PAX5: variants seen among roughly 807,000 people sequenced by gnomAD.
The protein encoded by PAX5 is paired box 5.
In PAX5, 9 loss-of-function variants were observed where a neutral mutation model predicts 43.7. That is an observed-to-expected ratio of 0.21 (90% CI 0.12 to 0.36). The LOEUF is 0.36. Among genes scored for constraint, PAX5 ranks in the 10% least tolerant of loss-of-function variants. The probability of loss-of-function intolerance (pLI) is 1.00; values close to 1 mark genes in which losing one functional copy is unlikely to be tolerated. For synonymous variants in PAX5, 228 were observed against 214.3 expected (o/e 1.06, Z -0.56); for missense variants, 383 against 532.7 (o/e 0.72, Z 2.77).
At chr9:36,923,108 A>C in intron 7 of PAX5, 2 of 430,026 alleles carry the variant, frequency 4.7e-6, no homozygotes, top group Non-Finnish European at 4.1e-6. Flanking sequence ...CCCCTACCCC[A>C]AGTCCCCTCC....
chr9:36,963,509 C>T (rs1474198732), intron 6 of PAX5, among the ~76,000 whole-genome samples: 3 of 152,232 alleles, frequency 2.0e-5, no homozygotes, highest in Admixed American at 1.3e-4. Context: ...TCTGAGTCCA[C>T]AGCACGCTGC....
intron 5 of PAX5, among the ~76,000 whole-genome samples, chr9:36,995,379 C>T (rs905029858): frequency 6.6e-6 from 1 of 152,170 alleles, no homozygotes; most frequent in Non-Finnish European, 1.5e-5. Flanking sequence ...AGCCAACACA[C>T]AGGGACTGGA....
chr9:36,880,388 G>A (rs207470220), intron 8 of PAX5, among the ~76,000 whole-genome samples: 1 of 152,226 alleles, frequency 6.6e-6, no homozygotes, highest in Non-Finnish European at 1.5e-5. Context: ...CGGGGGAAGA[G>A]ACTTGGGCCT....
At chr9:36,915,927 A>C (rs901595994) in intron 7 of PAX5, among the ~76,000 whole-genome samples, 1 of 151,952 alleles carries the variant, frequency 6.6e-6, no homozygotes, top group African/African-American at 2.4e-5. Flanking sequence ...AAAAATTACC[A>C]GGATGTAGTG....
At chr9:36,973,680 A>C (rs934074500) in intron 5 of PAX5, among the ~76,000 whole-genome samples, 1 of 152,032 alleles carries the variant, frequency 6.6e-6, no homozygotes, top group Non-Finnish European at 1.5e-5. Flanking sequence ...CAGCCTTGGC[A>C]ACATGGCGAG....
At chr9:36,850,492 C>A (rs1212624794) in intron 8 of PAX5, among the ~76,000 whole-genome samples, 1 of 152,208 alleles carries the variant, frequency 6.6e-6, no homozygotes, top group Non-Finnish European at 1.5e-5. Flanking sequence ...GGAGGTGCAG[C>A]CAACAGGCCC....
At chr9:36,913,586 C>G (rs978574565) in intron 7 of PAX5, among the ~76,000 whole-genome samples, 6 of 152,236 alleles carry the variant, frequency 3.9e-5, no homozygotes, top group Admixed American at 3.3e-4. Context: ...AAACTGCTGA[C>G]AGTGCAGTAA....
intron 7 of PAX5, among the ~76,000 whole-genome samples, chr9:36,904,685 G>T (rs1053639967): frequency 3.9e-5 from 6 of 152,068 alleles, no homozygotes; most frequent in African/African-American, 7.2e-5. Flanking sequence ...ATAATATCTT[G>T]AATTCAAATG....
At chr9:37,002,441 CCA>C (rs1164761593) in intron 5 of PAX5, among the ~76,000 whole-genome samples, 1 of 152,254 alleles carries the variant, frequency 6.6e-6, no homozygotes, top group Non-Finnish European at 1.5e-5. Context: ...AGCAAGAATG[CCA>C]CAGTCTCACC....
At chr9:36,903,022 C>T (rs751605195) in intron 7 of PAX5, among the ~76,000 whole-genome samples, 1 of 152,212 alleles carries the variant, frequency 6.6e-6, no homozygotes, top group Non-Finnish European at 1.5e-5. Flanking sequence ...CGAGGTTCCC[C>T]ACCCCTCACC....
At chr9:36,891,539 C>A (rs963921624) in intron 7 of PAX5, among the ~76,000 whole-genome samples, 9 of 152,156 alleles carry the variant, frequency 5.9e-5, no homozygotes, top group Non-Finnish European at 1.2e-4. Flanking sequence ...ATGCTGCTGA[C>A]GGTAGATGCA....
At chr9:36,864,271 C>G (rs937122950) in intron 8 of PAX5, 1 of 154,516 alleles carries the variant, frequency 6.5e-6, no homozygotes, top group Non-Finnish European at 1.5e-5. Context: ...ACAGGCAGGA[C>G]TAAGGCCAAA....
intron 8 of PAX5, among the ~76,000 whole-genome samples, chr9:36,852,855 G>A (rs1823296231): frequency 6.6e-6 from 1 of 152,182 alleles, no homozygotes; most frequent in Non-Finnish European, 1.5e-5. Flanking sequence ...CAGGAACAGA[G>A]CAGGGCCTGG....
intron 2 of PAX5, among the ~76,000 whole-genome samples, chr9:37,017,768 A>G (rs900557723): frequency 2.6e-5 from 4 of 152,232 alleles, no homozygotes; most frequent in Non-Finnish European, 4.4e-5. Flanking sequence ...CCAACTGTGG[A>G]AGACTGCGGC....
In PAX5 at chr9:36,924,931, C is replaced by T. The variant is rs542050004; in HGVS notation, c.781-1447G>A. ...TTTATGTGGGGAGTTTCCTCCAGGACGCTGGCATTGCTGATGGAGGACACA... is the reference window on the plus strand; with the variant it reads ...TTTATGTGGGGAGTTTCCTCCAGGATGCTGGCATTGCTGATGGAGGACACA... On this transcript the variant is annotated intron_variant, in intron 6 of 9. Coordinates refer to ENST00000358127, the MANE Select transcript of PAX5 (RefSeq NM_016734.3). 3.0e-4 allele frequency among the ~76,000 whole-genome samples: 44 copies of T among 145,424 alleles called. 1 individual carries two copies. The South Asian group carries it at 7.4e-3, about 25-fold the overall frequency.
At chr9:37,006,447 A>T (rs1458887640) in intron 4 of PAX5, 26 bp downstream of exon 4, 1 of 1,576,178 alleles carries the variant, frequency 6.3e-7, no homozygotes, top group Non-Finnish European at 8.7e-7. Context: ...TTAGATTTTT[A>T]AATTTTTTTT....
intron 7 of PAX5, among the ~76,000 whole-genome samples, chr9:36,922,530 C>T (rs1269272637): frequency 2.0e-5 from 3 of 152,206 alleles, no homozygotes; most frequent in East Asian, 1.9e-4. Flanking sequence ...TCCTGGCCCA[C>T]GCATCCAGCC....
chr9:36,969,492 G>C (rs553300238), intron 5 of PAX5, among the ~76,000 whole-genome samples: 1 of 152,354 alleles, frequency 6.6e-6, no homozygotes, highest in South Asian at 2.1e-4. Flanking sequence ...ACAGAGTAAA[G>C]GCTCAGGGCA....
chr9:36,897,518 G>A (rs1395702274), intron 7 of PAX5, among the ~76,000 whole-genome samples: 5 of 150,386 alleles, frequency 3.3e-5, no homozygotes, highest in East Asian at 1.9e-4. Context: ...ACACAAGCAA[G>A]AAAAAAACAA....
Sources: gnomAD v4.1 joint callset for allele counts (sites outside exome capture counted in the v4.1 genomes callset) on GRCh38, gnomAD v4.1.1 for gene constraint, MANE v1.5 for transcripts, NCBI Gene and HGNC (gene_info 2026-07-23, HGNC 2026-07-21) for gene names.